Variants in FTCDNL1 observed in about 807,000 individuals in gnomAD.
The protein encoded by FTCDNL1 is formiminotransferase cyclodeaminase N-terminal like, also known as formiminotransferase N-terminal subdomain-containing protein.
In FTCDNL1, 11 loss-of-function variants were observed where a neutral mutation model predicts 5.9. The ratio of observed to expected loss-of-function variants is 1.87; its 90% CI spans 1.18 to 3.10. FTCDNL1 has a LOEUF of 3.10. Among genes scored for constraint, FTCDNL1 ranks in the 30% most tolerant of loss-of-function variants. FTCDNL1 has a pLI of 0.00. For missense variants in FTCDNL1, 115 were observed against 65.5 expected, an observed-to-expected ratio of 1.76 and a Z score of -2.61; for synonymous variants, 58 against 24.8, an observed-to-expected ratio of 2.34 and a Z score of -3.99.
intron 3 of FTCDNL1, among the ~76,000 whole-genome samples, chr2:199,769,786 ACCTGTGTTGGTTTT>A (rs1285827596): frequency 6.6e-6 from 1 of 152,008 alleles, no homozygotes; most frequent in Non-Finnish European, 1.5e-5. Flanking sequence ...GTACAGCACC[ACCTGTGTTGGTTTT>A]CCTCAGCCCT....
the FTCDNL1 span, among the ~76,000 whole-genome samples, chr2:199,703,226 C>T: frequency 6.6e-6 from 1 of 150,500 alleles, no homozygotes; most frequent in Non-Finnish European, 1.5e-5. Context: ...CCACAACAGT[C>T]CCCAGAGTGT....
At chr2:199,703,327 T>C in the FTCDNL1 span, among the ~76,000 whole-genome samples, 1 of 152,102 alleles carries the variant, frequency 6.6e-6, no homozygotes, top group South Asian at 2.1e-4. Flanking sequence ...CATGTGGCTG[T>C]TGAGCACCTG....
chr2:199,765,325 G>A (rs1042225729), intron 3 of FTCDNL1, among the ~76,000 whole-genome samples: 1 of 151,610 alleles, frequency 6.6e-6, no homozygotes, highest in East Asian at 1.9e-4. Flanking sequence ...TTGATAATGG[G>A]GTAGGCTGGG....
chr2:199,840,871 G>A (rs553879987), intron 3 of FTCDNL1, among the ~76,000 whole-genome samples: 10 of 152,282 alleles, frequency 6.6e-5, no homozygotes, highest in African/African-American at 2.4e-4. Flanking sequence ...TTAGAGACCT[G>A]GCTAGGGGCA....
At chr2:199,803,467 TTTGG>T (rs1700570552) in intron 3 of FTCDNL1, among the ~76,000 whole-genome samples, 1 of 151,494 alleles carries the variant, frequency 6.6e-6, no homozygotes, top group South Asian at 2.1e-4. Flanking sequence ...TTTGGTTTGG[TTTGG>T]TTTGGTTTGG....
At chr2:199,788,988 A>G (rs1699791955) in intron 3 of FTCDNL1, among the ~76,000 whole-genome samples, 2 of 151,938 alleles carry the variant, frequency 1.3e-5, no homozygotes, top group Admixed American at 1.3e-4. Flanking sequence ...GAAAACTTGA[A>G]TATGGAAATT....
At chr2:199,700,216 A>C in the FTCDNL1 span, among the ~76,000 whole-genome samples, 3 of 152,216 alleles carry the variant, frequency 2.0e-5, no homozygotes, top group Non-Finnish European at 2.9e-5. Context: ...AGGATACAAA[A>C]TCAATGTACT....
the FTCDNL1 span, among the ~76,000 whole-genome samples, chr2:199,747,959 T>C: frequency 2.0e-5 from 3 of 152,316 alleles, no homozygotes; most frequent in South Asian, 6.2e-4. Context: ...ATTAGATTTT[T>C]CTCTTTTCCC....
At chr2:199,752,728 ATCTCTCTC>A in the FTCDNL1 span, among the ~76,000 whole-genome samples, 575 of 146,322 alleles carry the variant, frequency 3.9e-3, 5 homozygotes, top group African/African-American at 0.014. Context: ...CATATATACT[ATCTCTCTC>A]TCTCTGTGTG....
chr2:199,672,019 T>C, the FTCDNL1 span, among the ~76,000 whole-genome samples: 2 of 152,186 alleles, frequency 1.3e-5, no homozygotes, highest in Non-Finnish European at 2.9e-5. Context: ...CTCTCCCACG[T>C]TCTCGGTCAC....
the FTCDNL1 span, among the ~76,000 whole-genome samples, chr2:199,675,285 A>G: frequency 6.6e-6 from 1 of 152,250 alleles, no homozygotes; most frequent in South Asian, 2.1e-4. Flanking sequence ...TTTAACTATA[A>G]GTAATCACTA....
At chr2:199,772,851 G>A (rs111782618) in intron 3 of FTCDNL1, among the ~76,000 whole-genome samples, 4 of 152,324 alleles carry the variant, frequency 2.6e-5, no homozygotes, top group African/African-American at 4.8e-5. Context: ...AGATGGGAAA[G>A]AGCACATTTG....
At chr2:199,750,168 A>C in the FTCDNL1 span, among the ~76,000 whole-genome samples, 1 of 151,806 alleles carries the variant, frequency 6.6e-6, no homozygotes, top group Non-Finnish European at 1.5e-5. Flanking sequence ...AGCCTGGGCA[A>C]CATGGCAAGA....
chr2:199,819,889 C>A, intron 3 of FTCDNL1, 132 bp from the exon 4 acceptor site: 1 of 604,656 alleles, frequency 1.7e-6, no homozygotes, highest in African/African-American at 1.8e-5. Flanking sequence ...TTCTAAGTGT[C>A]CAGATCAGTG....
At chr2:199,733,259 C>T in the FTCDNL1 span, among the ~76,000 whole-genome samples, 18 of 152,180 alleles carry the variant, frequency 1.2e-4, no homozygotes, top group Non-Finnish European at 1.6e-4. Context: ...TCATTTGCTA[C>T]GCCATAGAAG....
chr2:199,843,165 A>G (rs1041983551), intron 3 of FTCDNL1, among the ~76,000 whole-genome samples: 2 of 152,212 alleles, frequency 1.3e-5, no homozygotes, highest in Non-Finnish European at 2.9e-5. Context: ...AGAAATGTCC[A>G]TGTTTAAATC....
chr2:199,681,878 T>C, the FTCDNL1 span, among the ~76,000 whole-genome samples: 2 of 150,980 alleles, frequency 1.3e-5, no homozygotes, highest in South Asian at 2.1e-4. Flanking sequence ...TCTGCTTTCA[T>C]AAAGTCTAAC....
the FTCDNL1 span, among the ~76,000 whole-genome samples, chr2:199,731,088 C>G: frequency 6.6e-6 from 1 of 152,288 alleles, no homozygotes; most frequent in African/African-American, 2.4e-5. Flanking sequence ...CAAACTAACA[C>G]AAGAACAGAA....
At position 199,779,974 on chromosome 2, in the gene FTCDNL1, A is replaced by G. The variant is rs547372390; in HGVS notation, c.212-19139T>C. On this transcript the variant is annotated intron_variant, in intron 3 of 3. Transcript: ENST00000416668. The stretch of plus-strand genomic sequence containing the variant: ...AGACACTTTGCTTTCACTACCTGCA[A>G]AAGTACCACCTCTTATCACGTGCCG... 2.6e-5 allele frequency among the ~76,000 whole-genome samples: 4 copies of G among 152,334 alleles called. No homozygotes were observed. The South Asian group carries it at 8.3e-4, about 32-fold the overall frequency.
Sources: allele counts gnomAD v4.1 joint callset (sites outside exome capture counted in the v4.1 genomes callset), GRCh38; gene constraint gnomAD v4.1.1; transcripts MANE v1.5; gene names NCBI Gene and HGNC (gene_info 2026-07-23, HGNC 2026-07-21).